The following MARCO variants were observed in gnomAD, a reference collection of about 807,000 sequenced individuals.
MARCO encodes the protein macrophage receptor with collagenous structure.
A neutral mutation model predicts 70.0 loss-of-function variants in MARCO; 72 were observed. The observed-to-expected ratio is 1.03, with a 90% confidence interval of 0.85 to 1.25. MARCO has a LOEUF of 1.25. Among genes scored for constraint, MARCO ranks in the 50% most tolerant of loss-of-function variants. The pLI, the probability that MARCO is intolerant of heterozygous loss-of-function variation, is 0.00. For missense variants in MARCO, 696 were observed against 659.3 expected, an observed-to-expected ratio of 1.06 and a Z score of -0.61; for synonymous variants, 273 against 243.1, an observed-to-expected ratio of 1.12 and a Z score of -1.14.
Position 118,973,080 on chromosome 2 carries a change from G to A in MARCO, c.461-1253G>A, listed in dbSNP as rs1434948168. Among the ~76,000 whole-genome samples, 26 of 149,688 alleles carry A rather than the reference G, an allele frequency of 1.7e-4. 1 individual carries two copies. The highest frequency in any genetic ancestry group is 5.7e-4 in the African/African-American group (23 of 40,482). On this transcript the variant is annotated intron_variant, in intron 4 of 16. Transcript: ENST00000327097. ...AAAAACTCCAACTCTCTCTCTCCAT[G>A]TCTCTCTCTCTGTCTCTCTGAATAT...
At chr2:118,967,379 G>C (rs1680072323) in intron 1 of MARCO, among the ~76,000 whole-genome samples, 1 of 152,176 alleles carries the variant, frequency 6.6e-6, no homozygotes, top group South Asian at 2.1e-4. Flanking sequence ...TCCATGTGGA[G>C]GTGTGACATG....
At chr2:118,974,211 C>T in intron 4 of MARCO, 122 bp from the exon 5 acceptor site, 1 of 696,258 alleles carries the variant, frequency 1.4e-6, no homozygotes, top group South Asian at 1.7e-5. Context: ...TCTTTCCACA[C>T]AGTTGGCTCA....
At chr2:118,957,725 G>C (rs575468572) in intron 1 of MARCO, among the ~76,000 whole-genome samples, 1 of 151,924 alleles carries the variant, frequency 6.6e-6, no homozygotes, top group Non-Finnish European at 1.5e-5. Context: ...CTACAGACCA[G>C]TATCCTTGAT....
intron 4 of MARCO, among the ~76,000 whole-genome samples, chr2:118,973,678 G>A (rs1680218764): frequency 6.6e-6 from 1 of 152,152 alleles, no homozygotes; most frequent in Non-Finnish European, 1.5e-5. Context: ...GAACCCAGAA[G>A]TCATGGTCTC....
At chr2:118,942,895 C>T (rs1045604820) in intron 1 of MARCO, among the ~76,000 whole-genome samples, 2 of 152,168 alleles carry the variant, frequency 1.3e-5, no homozygotes, top group African/African-American at 4.8e-5. Flanking sequence ...GAAATATGTT[C>T]ATAGCTTCAT....
Position 118,988,916 on chromosome 2 carries a change from G to A in MARCO, c.1064-1673G>A, listed in dbSNP as rs372833869. Among the ~76,000 whole-genome samples the A allele has an allele frequency of 3.9e-5, 6 of 152,118 alleles. No individual in the cohort carries two copies. In the East Asian group the frequency reaches 9.7e-4, roughly 25 times the overall value. ...ATTTATTCAGCACTGGCTGGGCACC[G>A]GGCTCAGCGCTTGATACACACGATT... On this transcript the variant is annotated intron_variant, in intron 12 of 16. Transcript: ENST00000327097.
chr2:118,966,957 C>A (rs71424304), intron 1 of MARCO, among the ~76,000 whole-genome samples: 4,361 of 152,318 alleles, frequency 0.029, 82 homozygotes, highest in Middle Eastern at 0.054. Context: ...TCTTTCAACA[C>A]TTCTAACTCT....
At position 118,981,638 on chromosome 2, in the gene MARCO, G is replaced by C. The variant is rs1281565018; in HGVS notation, c.883G>C (p.Gly295Arg). Residue 295 changes from glycine (G) to arginine (R), a missense_variant, in exon 10 of 17, where the codon GGA (glycine) becomes CGA (arginine). Coordinates refer to ENST00000327097, the MANE Select transcript of MARCO (RefSeq NM_006770.4). ...CATCTTAGGTTTGGCTGGTTTTCCT[G>C]GAGCTAAAGGAGATCAAGGTAAGAA... ...PGPPGLAGFP[G>R]AKGDQGQPGL... 1 of 1,613,682 alleles carries C rather than the reference G, an allele frequency of 6.2e-7. No individual in the cohort carries two copies. The highest frequency in any genetic ancestry group is 1.7e-5 in the Admixed American group (1 of 59,970).
At chr2:118,984,937 C>T (rs1454396740) in intron 12 of MARCO, among the ~76,000 whole-genome samples, 1 of 152,170 alleles carries the variant, frequency 6.6e-6, no homozygotes, top group East Asian at 1.9e-4. Flanking sequence ...GAATATCTAG[C>T]CACTTTAGAT....
intron 12 of MARCO, among the ~76,000 whole-genome samples, chr2:118,988,529 G>A (rs1412260773): frequency 1.3e-5 from 2 of 152,012 alleles, no homozygotes; most frequent in Admixed American, 6.5e-5. Context: ...CATCCCAGAG[G>A]GTGCCATGTT....
chr2:118,987,262 G>A (rs115562134), intron 12 of MARCO, among the ~76,000 whole-genome samples: 458 of 152,296 alleles, frequency 3.0e-3, no homozygotes, highest in African/African-American at 0.011. Flanking sequence ...GCTCTCCAGC[G>A]TAGTTTTACA....
At chr2:118,964,926 C>T (rs753766346) in intron 1 of MARCO, among the ~76,000 whole-genome samples, 6 of 150,962 alleles carry the variant, frequency 4.0e-5, no homozygotes, top group Non-Finnish European at 8.8e-5. Flanking sequence ...AAGTAATGTG[C>T]CATTTGTCTC....
At chr2:118,984,926 A>AT (rs1680456860) in intron 12 of MARCO, among the ~76,000 whole-genome samples, 1 of 152,214 alleles carries the variant, frequency 6.6e-6, no homozygotes, top group African/African-American at 2.4e-5. Context: ...ATCTCTCAAG[A>AT]GAATATCTAG....
chr2:118,987,123 T>A (rs1204366633), intron 12 of MARCO, among the ~76,000 whole-genome samples: 1 of 152,232 alleles, frequency 6.6e-6, no homozygotes, highest in Non-Finnish European at 1.5e-5. Flanking sequence ...ACACATTTCT[T>A]GGGAGAATAT....
chr2:118,977,605 C>T, intron 7 of MARCO, 90 bp downstream of exon 7: 1 of 1,146,902 alleles, frequency 8.7e-7, no homozygotes. Flanking sequence ...CTTTCCACAG[C>T]CCCACCCCAG....
chr2:118,969,707 G>A (rs1490295933), intron 2 of MARCO, among the ~76,000 whole-genome samples: 2 of 152,192 alleles, frequency 1.3e-5, no homozygotes, highest in South Asian at 2.1e-4. Context: ...ACTCAAGAAC[G>A]CTGAATGAGC....
At chr2:118,945,846 T>C (rs1679588160) in intron 1 of MARCO, among the ~76,000 whole-genome samples, 1 of 152,174 alleles carries the variant, frequency 6.6e-6, no homozygotes, top group African/African-American at 2.4e-5. Context: ...TTGTTGTTTG[T>C]TTTAATTAAC....
chr2:118,970,153 A>G lies in MARCO; in HGVS notation c.239A>G (p.Tyr80Cys). 6.2e-7 allele frequency: 1 copy of G among 1,614,032 alleles called. No homozygotes were observed. The highest frequency in any genetic ancestry group is 8.5e-7 in the Non-Finnish European group (1 of 1,180,024). ...LQARLRVLEMYFLNDTLAAED... is the reference protein window; with the variant it reads ...LQARLRVLEMCFLNDTLAAED... ...GCGCGGCTCCGGGTCCTGGAGATGT[A>G]TTTCCTCAATGACACTCTGGCGGCT... Residue 80 changes from tyrosine (Y) to cysteine (C), a missense_variant, in exon 3 of 17, where the codon TAT (tyrosine) becomes TGT (cysteine). Tyr to Cys is a radical substitution (Grantham distance 194). Around this residue, in one of 3 missense-constraint regions of MARCO, gnomAD observed 605 missense variants for 537.6 expected, o/e 1.13. Transcript: ENST00000327097.
At chr2:118,950,886 A>T (rs1350433146) in intron 1 of MARCO, among the ~76,000 whole-genome samples, 1 of 152,136 alleles carries the variant, frequency 6.6e-6, no homozygotes, top group Non-Finnish European at 1.5e-5. Flanking sequence ...AGGCCACAAG[A>T]TTAGAAGTTA....
Sources: gnomAD v4.1 joint callset for allele counts (sites outside exome capture counted in the v4.1 genomes callset) on GRCh38, gnomAD v4.1.1 for gene constraint, gnomAD v4.1.1 regional missense constraint, MANE v1.5 for transcripts, NCBI Gene and HGNC (gene_info 2026-07-23, HGNC 2026-07-21) for gene names.